Variants in ESRRG observed in about 807,000 individuals in gnomAD.
ESRRG encodes estrogen related receptor gamma.
A neutral mutation model predicts 44.0 loss-of-function variants in ESRRG; 13 were observed. The observed-to-expected ratio is 0.30, with a 90% CI of 0.19 to 0.47. The LOEUF (loss-of-function observed/expected upper bound fraction) is 0.47. Among genes scored for constraint, ESRRG ranks in the 20% least tolerant of loss-of-function variants. The pLI is 1.00. For synonymous variants in ESRRG, 215 were observed against 214.6 expected (o/e 1.00, Z -0.02); for missense variants, 395 against 580.6 (o/e 0.68, Z 3.29).
rs1380506577 is a variant in ESRRG at position 216,506,868 on chromosome 1, C to T, written c.*71G>A. 2 of 1,530,366 alleles carry T rather than the reference C, an allele frequency of 1.3e-6. No individual in the cohort carries two copies. Among genetic ancestry groups the T allele is most frequent in the Non-Finnish European group, 1.8e-6 (2 of 1,136,336 alleles). The allele number at this position is 1,530,366 out of a possible 1,614,324, so 94.8% of individuals were successfully genotyped here. A position where few individuals can be genotyped will look rare whatever the true frequency, so the allele number is the denominator to read the frequency against. ...ATGTTGTTAACTAAACTCTAAGTTT[C>T]TTCGACATCACTCTTGGGTTTATTT... On this transcript the variant is annotated 3_prime_UTR_variant, in exon 7 of 7. Transcript: ENST00000408911.
intron 2 of ESRRG, among the ~76,000 whole-genome samples, chr1:216,874,003 G>A (rs1284671931): frequency 7.7e-6 from 1 of 130,150 alleles, no homozygotes; most frequent in Admixed American, 7.7e-5. Flanking sequence ...GAGGGAGGGA[G>A]GGAGTGGGTT....
intron 1 of ESRRG, among the ~76,000 whole-genome samples, chr1:216,689,479 A>C (rs1399145503): frequency 6.6e-6 from 1 of 152,202 alleles, no homozygotes; most frequent in Non-Finnish European, 1.5e-5. Flanking sequence ...ATTATCATCC[A>C]TAAATACATT....
intron 1 of ESRRG, among the ~76,000 whole-genome samples, chr1:216,691,847 A>C (rs1320425112): frequency 6.6e-6 from 1 of 152,170 alleles, no homozygotes; most frequent in Non-Finnish European, 1.5e-5. Flanking sequence ...AACAGGTCAC[A>C]AATACGACAC....
intron 2 of ESRRG, among the ~76,000 whole-genome samples, chr1:216,853,908 C>T (rs2095877328): frequency 6.6e-6 from 1 of 152,126 alleles, no homozygotes; most frequent in African/African-American, 2.4e-5. Flanking sequence ...GTTTTTAAGT[C>T]TGTTTATACC....
chr1:216,920,453 T>C (rs1208798660), intron 2 of ESRRG, among the ~76,000 whole-genome samples: 1 of 151,896 alleles, frequency 6.6e-6, no homozygotes, highest in Non-Finnish European at 1.5e-5. Flanking sequence ...ATTGTGTGCC[T>C]GCATTTGCTG....
intron 1 of ESRRG, among the ~76,000 whole-genome samples, chr1:217,009,293 T>A (rs1019712889): frequency 6.6e-6 from 1 of 152,162 alleles, no homozygotes; most frequent in African/African-American, 2.4e-5. Flanking sequence ...GATTGCTCTT[T>A]AAAATTCATT....
At chr1:216,952,267 G>T (rs17607502) in intron 1 of ESRRG, among the ~76,000 whole-genome samples, 21,354 of 152,126 alleles carry the variant, frequency 0.14, 1,700 homozygotes, top group Middle Eastern at 0.26. Context: ...AGGGTGATTT[G>T]TTTTCTCCCC....
chr1:216,870,494 G>A (rs1251053567), intron 2 of ESRRG, among the ~76,000 whole-genome samples: 2 of 151,750 alleles, frequency 1.3e-5, no homozygotes, highest in Admixed American at 6.6e-5. Flanking sequence ...ACTCTTTGGA[G>A]GCCAGGATTA....
At chr1:216,963,804 A>G (rs2818779) in intron 1 of ESRRG, among the ~76,000 whole-genome samples, 78,115 of 151,922 alleles carry the variant, frequency 0.51, 21,866 homozygotes, top group Middle Eastern at 0.7. Flanking sequence ...GCTAAAGCAG[A>G]CACAGTCTCT....
At chr1:216,542,072 C>CAGAG (rs3040899) in intron 5 of ESRRG, among the ~76,000 whole-genome samples, 10,912 of 139,830 alleles carry the variant, frequency 0.078, 423 homozygotes, top group Admixed American at 0.089. Flanking sequence ...GTGTCTATGA[C>CAGAG]AGAGAGAGAG....
chr1:216,689,789 T>C (rs1575352354), intron 1 of ESRRG, among the ~76,000 whole-genome samples: 1 of 151,274 alleles, frequency 6.6e-6, no homozygotes, highest in Non-Finnish European at 1.5e-5. Context: ...CAAATATAAC[T>C]GATTAAAGAT....
upstream of ESRRG, among the ~76,000 whole-genome samples, chr1:216,725,858 A>G (rs1217610234): frequency 1.3e-5 from 2 of 152,176 alleles, no homozygotes; most frequent in Non-Finnish European, 2.9e-5. Flanking sequence ...GTTTCTTTAC[A>G]TTATGCTGTG....
At chr1:216,668,424 C>T (rs2074439804) in intron 2 of ESRRG, among the ~76,000 whole-genome samples, 1 of 152,120 alleles carries the variant, frequency 6.6e-6, no homozygotes, top group African/African-American at 2.4e-5. Context: ...TTTTAAATGA[C>T]TTTCAAAATA....
At chr1:216,687,544 A>G (rs2078246206) in intron 1 of ESRRG, among the ~76,000 whole-genome samples, 1 of 152,132 alleles carries the variant, frequency 6.6e-6, no homozygotes, top group Admixed American at 6.5e-5. Flanking sequence ...TGGATTTGTA[A>G]GAGGAAACCT....
Position 216,569,111 on chromosome 1 carries a change from A to AGGAAG in ESRRG, c.590-1014_590-1013insCTTCC, listed in dbSNP as rs1553355981. ...AAGGAAGGAAGGAAGGAAGGAAGGA[A>AGGAAG]GAAGGAAGGAAGGAAGGAAGGAAAG... On this transcript the variant is annotated intron_variant, in intron 3 of 6. Coordinates refer to ENST00000408911, the MANE Select transcript of ESRRG (RefSeq NM_001438.4). Among the ~76,000 whole-genome samples the AGGAAG allele has an allele frequency of 7.9e-4, 83 of 104,466 alleles. 2 individuals carry two copies. The highest frequency in any genetic ancestry group is 2.8e-3 in the African/African-American group (80 of 28,360). 68.5% of individuals were successfully genotyped at this position (104,466 alleles called of 152,430 possible).
At chr1:216,955,825 T>C (rs2067850399) in intron 1 of ESRRG, among the ~76,000 whole-genome samples, 3 of 152,192 alleles carry the variant, frequency 2.0e-5, no homozygotes, top group Non-Finnish European at 2.9e-5. Context: ...TTCAAATACT[T>C]ATTGGCTATT....
intron 2 of ESRRG, among the ~76,000 whole-genome samples, chr1:216,903,817 A>G (rs1481130182): frequency 6.6e-6 from 1 of 152,146 alleles, no homozygotes; most frequent in Non-Finnish European, 1.5e-5. Context: ...GCTACCAGGT[A>G]TAGATCATTA....
At chr1:217,024,475 T>A (rs2150956653) in intron 1 of ESRRG, among the ~76,000 whole-genome samples, 1 of 151,712 alleles carries the variant, frequency 6.6e-6, no homozygotes, top group South Asian at 2.1e-4. Flanking sequence ...ACCTTCCCAA[T>A]CACCCCCTCC....
At chr1:217,118,347 A>G (rs1179952051) in intron 1 of ESRRG, among the ~76,000 whole-genome samples, 3 of 152,332 alleles carry the variant, frequency 2.0e-5, no homozygotes, top group Middle Eastern at 3.4e-3. Context: ...GCCTGCAGTT[A>G]CTGAATAACT....
Sources: gnomAD v4.1 joint callset for allele counts (sites outside exome capture counted in the v4.1 genomes callset) on GRCh38, gnomAD v4.1.1 for gene constraint, MANE v1.5 for transcripts, NCBI Gene and HGNC (gene_info 2026-07-23, HGNC 2026-07-21) for gene names.